Variants in PDE1C observed in about 807,000 individuals in gnomAD.
The protein encoded by PDE1C is dual specificity calcium/calmodulin-dependent 3',5'-cyclic nucleotide phosphodiesterase 1C.
In PDE1C, 62 loss-of-function variants were observed where a neutral mutation model predicts 93.1. The observed-to-expected ratio is 0.67, with a 90% CI of 0.54 to 0.82. The LOEUF (loss-of-function observed/expected upper bound fraction) is 0.82, where lower values mean the gene tolerates loss of function less well. PDE1C is among the 40% of genes least tolerant of loss of function. The probability of loss-of-function intolerance (pLI) is 0.00; values close to 1 mark genes in which losing one functional copy is unlikely to be tolerated. For synonymous variants in PDE1C, 325 were observed against 310.1 expected, an observed-to-expected ratio of 1.05 and a Z score of -0.50; for missense variants, 742 against 884.6, an observed-to-expected ratio of 0.84 and a Z score of 2.04.
upstream of PDE1C, among the ~76,000 whole-genome samples, chr7:32,072,512 C>T (rs77776383): frequency 3.9e-5 from 6 of 152,284 alleles, no homozygotes; most frequent in South Asian, 4.1e-4. Flanking sequence ...TTTATAGTGA[C>T]GTGTTTTGAG....
chr7:31,738,094 G>A, the PDE1C span, among the ~76,000 whole-genome samples: 5 of 152,162 alleles, frequency 3.3e-5, no homozygotes, highest in East Asian at 3.9e-4. Flanking sequence ...AGCTTTAGAC[G>A]ATGCTCAGTG....
chr7:31,794,471 G>A (rs990973961), intron 16 of PDE1C, among the ~76,000 whole-genome samples: 2 of 151,780 alleles, frequency 1.3e-5, no homozygotes, highest in African/African-American at 2.4e-5. Context: ...CTTTCATTTA[G>A]CATGTTCTTT....
chr7:32,302,908 C>T (rs904291644), upstream of PDE1C, among the ~76,000 whole-genome samples: 1 of 152,144 alleles, frequency 6.6e-6, no homozygotes, highest in South Asian at 2.1e-4. Context: ...ATAAGAGCAT[C>T]GTGCACACAC....
the PDE1C span, among the ~76,000 whole-genome samples, chr7:31,691,852 A>G: frequency 6.7e-6 from 1 of 149,626 alleles, no homozygotes; most frequent in Non-Finnish European, 1.5e-5. Flanking sequence ...CAGAAGCCTT[A>G]TTCAATTCGG....
At chr7:31,788,472 T>G (rs991961940) in intron 16 of PDE1C, 1 of 152,108 alleles carries the variant, frequency 6.6e-6, no homozygotes, top group Admixed American at 6.6e-5. Flanking sequence ...CCTAGGTATC[T>G]AGGACCCCCA....
chr7:32,040,640 G>A (rs1251389747), intron 2 of PDE1C, among the ~76,000 whole-genome samples: 2 of 152,176 alleles, frequency 1.3e-5, no homozygotes, highest in African/African-American at 4.8e-5. Context: ...ATGAAATACA[G>A]TGTTGTTTAC....
At chr7:31,979,436 T>A (rs986152525) in intron 2 of PDE1C, among the ~76,000 whole-genome samples, 13 of 152,358 alleles carry the variant, frequency 8.5e-5, no homozygotes, top group African/African-American at 2.9e-4. Flanking sequence ...TGCTACGTAC[T>A]ACTCTAGGTG....
At chr7:32,336,505 T>C (rs1037207771) in intron 1 of PDE1C, among the ~76,000 whole-genome samples, 2 of 152,150 alleles carry the variant, frequency 1.3e-5, no homozygotes, top group Non-Finnish European at 2.9e-5. Flanking sequence ...CTTACTACAA[T>C]TGACATGAAA....
chr7:31,825,957 A>T (rs1273676771), intron 12 of PDE1C, among the ~76,000 whole-genome samples: 1 of 152,126 alleles, frequency 6.6e-6, no homozygotes, highest in East Asian at 1.9e-4. Flanking sequence ...ACAGGATTGG[A>T]AAGTGGAAGA....
intron 1 of PDE1C, among the ~76,000 whole-genome samples, chr7:32,288,076 C>T (rs1812106248): frequency 5.3e-5 from 8 of 152,256 alleles, no homozygotes; most frequent in Admixed American, 5.2e-4. Flanking sequence ...ATCACTTGAA[C>T]CCGGAAGGCA....
chr7:32,056,701 CAGT>C (rs1364911459), intron 1 of PDE1C, among the ~76,000 whole-genome samples: 1 of 152,134 alleles, frequency 6.6e-6, no homozygotes, highest in Non-Finnish European at 1.5e-5. Context: ...GTACTAAAAA[CAGT>C]AGTATTGCAT....
chr7:32,418,214 A>G (rs1007563868), intron 1 of PDE1C, among the ~76,000 whole-genome samples: 2 of 151,468 alleles, frequency 1.3e-5, no homozygotes, highest in Non-Finnish European at 2.9e-5. Context: ...TTTCCATGGC[A>G]GTAGCAAGTT....
chr7:32,388,524 T>C (rs1340173697), intron 1 of PDE1C, among the ~76,000 whole-genome samples: 1 of 151,606 alleles, frequency 6.6e-6, no homozygotes, highest in Non-Finnish European at 1.5e-5. Context: ...AAAAATACTT[T>C]TAAAAATTAG....
At chr7:32,142,115 A>C (rs1233411001) in intron 3 of PDE1C, among the ~76,000 whole-genome samples, 1 of 152,082 alleles carries the variant, frequency 6.6e-6, no homozygotes, top group African/African-American at 2.4e-5. Flanking sequence ...GGACAATTTT[A>C]AATAAAGAGG....
intron 2 of PDE1C, among the ~76,000 whole-genome samples, chr7:32,207,626 T>C (rs117035526): frequency 6.8e-4 from 103 of 152,180 alleles, no homozygotes; most frequent in Non-Finnish European, 1.4e-3. Flanking sequence ...TTCTCCTTTT[T>C]TTTCCCTGTA....
chr7:31,622,837 T>C, the PDE1C span, among the ~76,000 whole-genome samples: 1 of 151,712 alleles, frequency 6.6e-6, no homozygotes, highest in African/African-American at 2.4e-5. Context: ...TTTGAAATGA[T>C]CAACAAAATT....
chr7:31,835,525 G>GGT (rs58539780), intron 11 of PDE1C, among the ~76,000 whole-genome samples: 5,255 of 146,996 alleles, frequency 0.036, 93 homozygotes, highest in South Asian at 0.051. Flanking sequence ...GGGGTGCTGC[G>GGT]GTGTGTGTGT....
rs1013616117 is a variant in PDE1C at position 32,176,213 on chromosome 7, C to T, written c.137-6257G>A. Among the ~76,000 whole-genome samples, 3 of 152,070 alleles carry T rather than the reference C, an allele frequency of 2.0e-5. No homozygotes were observed. In the South Asian group the frequency reaches 6.2e-4, roughly 31 times the overall value. ...TATAGTACATTTATGTAATGGATTG[C>T]TATGCCACTGACTAATATCCCAAAG... On this transcript the variant is annotated intron_variant, in intron 2 of 18. Coordinates refer to the PDE1C transcript ENST00000396193.
intron 16 of PDE1C, among the ~76,000 whole-genome samples, chr7:31,805,798 G>T (rs141417367): frequency 2.0e-5 from 3 of 151,814 alleles, no homozygotes; most frequent in Non-Finnish European, 4.4e-5. Flanking sequence ...TCACTGAGAC[G>T]TGCCTATGTC....
Sources: allele counts gnomAD v4.1 joint callset (sites outside exome capture counted in the v4.1 genomes callset), GRCh38; gene constraint gnomAD v4.1.1; transcripts MANE v1.5; gene names NCBI Gene and HGNC (gene_info 2026-07-23, HGNC 2026-07-21).